GC: variants seen among roughly 807,000 people sequenced by gnomAD.
GC encodes the protein vitamin D-binding protein.
Under a neutral mutation model 56.7 loss-of-function variants are expected in GC, and 43 were observed. The observed-to-expected ratio is 0.76, with a 90% CI of 0.59 to 0.98. The LOEUF is 0.98. Ranked by LOEUF, GC falls within the 50% of genes least tolerant of loss-of-function variation. GC has a pLI of 0.00. For missense variants in GC, 529 were observed against 545.9 expected (o/e 0.97, Z 0.31); for synonymous variants, 216 against 202.7 (o/e 1.07, Z -0.56).
intron 12 of GC, 64 bp from the exon 13 acceptor site, chr4:71,741,934 A>G (rs1349724358): frequency 1.4e-6 from 1 of 702,348 alleles, no homozygotes; most frequent in African/African-American, 1.7e-5. Context: ...CAACCATAAT[A>G]TTGCTCAACA....
intron 6 of GC, chr4:71,759,585 T>C (rs891213326): frequency 2.6e-5 from 4 of 152,230 alleles, no homozygotes; most frequent in Non-Finnish European, 5.9e-5. Context: ...TCAGACAAGA[T>C]TGGGCGTGTT....
upstream of GC, chr4:71,784,199 G>A (rs1175516968): frequency 3.3e-5 from 43 of 1,285,300 alleles, no homozygotes; most frequent in Non-Finnish European, 4.1e-5. Flanking sequence ...GTTATCTTTG[G>A]CCCAAAAGAG....
upstream of GC, among the ~76,000 whole-genome samples, chr4:71,788,950 A>G (rs945999633): frequency 6.6e-6 from 1 of 151,934 alleles, no homozygotes; most frequent in Non-Finnish European, 1.5e-5. Flanking sequence ...AAAAATATTT[A>G]GGTTCAGTTA....
At position 71,767,185 on chromosome 4, in the gene GC, T is replaced by C. The variant is rs540120782; in HGVS notation, c.261+1116A>G. On this transcript the variant is annotated intron_variant, in intron 3 of 12. Coordinates refer to ENST00000273951, the MANE Select transcript of GC (RefSeq NM_000583.4). ...TTAATGGGTAAGAATATTCATTGTG[T>C]AGAATCTATTCTAATCAGATCTTTG... 2.3e-4 allele frequency among the ~76,000 whole-genome samples: 35 copies of C among 152,326 alleles called. 1 individual carries two copies. The South Asian group carries it at 7.3e-3, about 32-fold the overall frequency.
At chr4:71,742,225 A>G (rs1387016711) in intron 12 of GC, among the ~76,000 whole-genome samples, 1 of 152,226 alleles carries the variant, frequency 6.6e-6, no homozygotes, top group Non-Finnish European at 1.5e-5. Context: ...CAGTGGCATA[A>G]TGAGGCCCCC....
chr4:71,786,619 T>C (rs1198885005), upstream of GC, among the ~76,000 whole-genome samples: 1 of 151,870 alleles, frequency 6.6e-6, no homozygotes, highest in Non-Finnish European at 1.5e-5. Context: ...TCAGAGGAAA[T>C]GCAGATCTCT....
At chr4:71,742,002 T>C in intron 12 of GC, 132 bp from the exon 13 acceptor site, 2 of 667,644 alleles carry the variant, frequency 3.0e-6, no homozygotes, top group South Asian at 1.7e-5. Flanking sequence ...CTGTCTAGGA[T>C]GACCCATATA....
At chr4:71,749,492 A>G (rs1226671907) in intron 11 of GC, among the ~76,000 whole-genome samples, 4 of 152,226 alleles carry the variant, frequency 2.6e-5, no homozygotes, top group Non-Finnish European at 4.4e-5. Flanking sequence ...TATTTCTTAT[A>G]GAATCTAAAA....
chr4:71,753,536 T>A (rs1741624036), intron 10 of GC, among the ~76,000 whole-genome samples: 1 of 151,898 alleles, frequency 6.6e-6, no homozygotes, highest in African/African-American at 2.4e-5. Flanking sequence ...CTGAGAAATT[T>A]ACTAACGTTA....
At chr4:71,790,820 G>T (rs1307661969) in intron 1 of GC, among the ~76,000 whole-genome samples, 1 of 151,392 alleles carries the variant, frequency 6.6e-6, no homozygotes, top group Non-Finnish European at 1.5e-5. Context: ...CAATGTGCAG[G>T]TTAGTTACGT....
chr4:71,769,082 G>A (rs1316349218), intron 2 of GC, among the ~76,000 whole-genome samples: 1 of 152,134 alleles, frequency 6.6e-6, no homozygotes, highest in Non-Finnish European at 1.5e-5. Context: ...TATGCTTTAC[G>A]TATTATCTTT....
intron 1 of GC, among the ~76,000 whole-genome samples, chr4:71,803,017 C>T (rs1165979018): frequency 6.6e-6 from 1 of 152,076 alleles, no homozygotes; most frequent in Non-Finnish European, 1.5e-5. Flanking sequence ...CGTCTGTATT[C>T]AAATGTGTGA....
chr4:71,769,566 T>C (rs1449516137), intron 1 of GC, 166 bp from the exon 2 acceptor site: 3 of 563,692 alleles, frequency 5.3e-6, no homozygotes, highest in East Asian at 6.1e-5. Flanking sequence ...TCTTCTCTCA[T>C]AACAGGCCAC....
chr4:71,756,115 AT>A (rs202119375), intron 8 of GC, among the ~76,000 whole-genome samples: 3 of 148,894 alleles, frequency 2.0e-5, no homozygotes, highest in African/African-American at 4.9e-5. Context: ...TAAGAAAAAA[AT>A]ATTCTGTGCT....
intron 1 of GC, among the ~76,000 whole-genome samples, chr4:71,790,856 G>A (rs974142280): frequency 3.7e-4 from 56 of 151,814 alleles, no homozygotes; most frequent in Non-Finnish European, 1.6e-4. Context: ...ATGCTGGTGT[G>A]CTGCACCCAT....
intron 1 of GC, among the ~76,000 whole-genome samples, chr4:71,775,318 A>T (rs1742473040): frequency 6.6e-6 from 1 of 151,948 alleles, no homozygotes; most frequent in Non-Finnish European, 1.5e-5. Flanking sequence ...TTCCCATAAA[A>T]GTCACTTCAT....
At chr4:71,742,333 G>A (rs542947744) in intron 12 of GC, among the ~76,000 whole-genome samples, 10 of 152,114 alleles carry the variant, frequency 6.6e-5, no homozygotes, top group Admixed American at 3.3e-4. Flanking sequence ...GGGCCAATTC[G>A]TCTCCCTTAA....
chr4:71,762,388 G>T (rs1047871601), intron 6 of GC, among the ~76,000 whole-genome samples: 5 of 152,144 alleles, frequency 3.3e-5, no homozygotes, highest in Non-Finnish European at 5.9e-5. Context: ...GCTTGCTTTT[G>T]ATTTTACAGG....
At chr4:71,802,125 A>G (rs898374180) in intron 1 of GC, among the ~76,000 whole-genome samples, 6 of 152,218 alleles carry the variant, frequency 3.9e-5, no homozygotes, top group African/African-American at 9.6e-5. Context: ...GCTTCTGAAC[A>G]TCAGATATAA....
Sources: gnomAD v4.1 joint callset for allele counts (sites outside exome capture counted in the v4.1 genomes callset) on GRCh38, gnomAD v4.1.1 for gene constraint, MANE v1.5 for transcripts, NCBI Gene and HGNC (gene_info 2026-07-23, HGNC 2026-07-21) for gene names.